RNF180: variants seen among roughly 807,000 people sequenced by gnomAD.
RNF180 encodes ring finger protein 180.
A neutral mutation model predicts 59.2 loss-of-function variants in RNF180; 38 were observed. That is an observed-to-expected ratio of 0.64 (90% CI 0.50 to 0.84). The LOEUF (loss-of-function observed/expected upper bound fraction) is 0.84. RNF180 is among the 40% of genes least tolerant of loss of function. The pLI, the probability that RNF180 is intolerant of heterozygous loss-of-function variation, is 0.00. For synonymous variants in RNF180, 262 were observed against 240.3 expected, an observed-to-expected ratio of 1.09 and a Z score of -0.84; for missense variants, 705 against 700.9, an observed-to-expected ratio of 1.01 and a Z score of -0.07.
At chr5:64,360,295 C>A (rs1206600916) in intron 7 of RNF180, among the ~76,000 whole-genome samples, 2 of 151,722 alleles carry the variant, frequency 1.3e-5, no homozygotes, top group Non-Finnish European at 2.9e-5. Flanking sequence ...AGCATATAAA[C>A]AGAGCCAAAG....
chr5:64,237,128 T>A (rs1742491087), intron 5 of RNF180, among the ~76,000 whole-genome samples: 1 of 152,138 alleles, frequency 6.6e-6, no homozygotes. Context: ...CACTGACAGC[T>A]TGCACCTTGA....
intron 5 of RNF180, among the ~76,000 whole-genome samples, chr5:64,234,063 C>A (rs950090084): frequency 6.6e-6 from 1 of 152,192 alleles, no homozygotes; most frequent in African/African-American, 2.4e-5. Flanking sequence ...TAGCTGTATG[C>A]TCTTGTGCAA....
At chr5:64,211,137 A>G (rs1489447200) in intron 2 of RNF180, among the ~76,000 whole-genome samples, 3 of 152,168 alleles carry the variant, frequency 2.0e-5, no homozygotes, top group Non-Finnish European at 4.4e-5. Flanking sequence ...GCTGGTGTTA[A>G]TAGTTTCATT....
intron 5 of RNF180, among the ~76,000 whole-genome samples, chr5:64,316,323 A>G (rs1025717252): frequency 1.3e-5 from 2 of 152,174 alleles, no homozygotes; most frequent in African/African-American, 4.8e-5. Context: ...GACCCATTAA[A>G]TATTTATCTC....
chr5:64,238,983 A>G (rs2112228675), intron 5 of RNF180, among the ~76,000 whole-genome samples: 1 of 152,256 alleles, frequency 6.6e-6, no homozygotes, highest in African/African-American at 2.4e-5. Flanking sequence ...CATGAGGTGG[A>G]TGAAATGGCT....
chr5:64,212,003 T>C (rs976540638), intron 2 of RNF180, 62 bp from the exon 3 acceptor site: 1 of 975,940 alleles, frequency 1.0e-6, no homozygotes, highest in East Asian at 2.6e-5. Flanking sequence ...TACTTAAATA[T>C]GAAACCTGTG....
At chr5:64,223,735 T>C (rs946882696) in intron 5 of RNF180, among the ~76,000 whole-genome samples, 3 of 152,194 alleles carry the variant, frequency 2.0e-5, no homozygotes, top group African/African-American at 7.2e-5. Context: ...TCTTTATTCT[T>C]CATTCATCCT....
rs1190089130 is a variant in RNF180, at chr5:64,181,986, CTTTTTTTTTTT to C, written c.-1+16046_-1+16056del. Among the ~76,000 whole-genome samples, 6 of 94,620 alleles carry C rather than the reference CTTTTTTTTTTT, an allele frequency of 6.3e-5. No individual in the cohort carries two copies. The Admixed American group carries it at 7.3e-4, about 11-fold the overall frequency. The allele number at this position is 94,620 out of a possible 152,430, so 62.1% of individuals were successfully genotyped here. On this transcript the variant is annotated intron_variant, in intron 1 of 7. Coordinates refer to ENST00000389100, the MANE Select transcript of RNF180 (RefSeq NM_001113561.2). ...GAGGGAAAAGTGCAACTGCTACTGT[CTTTTTTTTTTT>C]TTTTTTTTTTTTGAGACAGAGTCTC... is the stretch of plus-strand genomic sequence containing the variant.
intron 2 of RNF180, among the ~76,000 whole-genome samples, chr5:64,211,054 A>G (rs946759201): frequency 2.0e-5 from 3 of 152,124 alleles, no homozygotes; most frequent in Non-Finnish European, 2.9e-5. Context: ...TGGAAACTAC[A>G]TTCTTTGGTG....
chr5:64,194,949 G>A (rs935781905), intron 1 of RNF180, among the ~76,000 whole-genome samples: 1 of 152,068 alleles, frequency 6.6e-6, no homozygotes, highest in Non-Finnish European at 1.5e-5. Flanking sequence ...TACAGCAAAT[G>A]AATTTTCACA....
chr5:64,205,351 C>T (rs1424209831), intron 2 of RNF180, among the ~76,000 whole-genome samples: 1 of 152,084 alleles, frequency 6.6e-6, no homozygotes, highest in Non-Finnish European at 1.5e-5. Context: ...TCTACAACGT[C>T]CACAAGGAGA....
At chr5:64,300,163 G>A (rs978020957) in intron 5 of RNF180, among the ~76,000 whole-genome samples, 1 of 151,636 alleles carries the variant, frequency 6.6e-6, no homozygotes, top group Non-Finnish European at 1.5e-5. Context: ...AAGTGAAAAG[G>A]TGAAAATTCT....
In RNF180 at chr5:64,212,144, G is replaced by C. The variant is rs780457926; in HGVS notation, c.215G>C (p.Ser72Thr). ...GTAGAAGCCCTTCCAGAATGGATAA[G>C]CTGCCTAATCCAAAAAGTAAGTTCT... ...MNVEALPEWI[S>T]CLIQKAQWTV... The change falls in exon 3 of 8, where the codon AGC becomes ACC. Residue 72 changes from serine to threonine, a missense_variant. By Grantham distance (58) the Ser-to-Thr change is moderately conservative. Coordinates refer to ENST00000389100, the MANE Select transcript of RNF180 (RefSeq NM_001113561.2). 5.7e-6 allele frequency: 9 copies of C among 1,590,308 alleles called. No homozygotes were observed. In the African/African-American group the frequency reaches 1.1e-4, roughly 19 times the overall value.
intron 7 of RNF180, among the ~76,000 whole-genome samples, chr5:64,364,917 TC>T (rs75474973): frequency 0.023 from 3,533 of 151,558 alleles, 123 homozygotes; most frequent in African/African-American, 0.074. Flanking sequence ...TGGTGTAATA[TC>T]CCCTTTGTTG....
At chr5:64,301,098 C>G (rs1202205085) in intron 5 of RNF180, among the ~76,000 whole-genome samples, 1 of 151,622 alleles carries the variant, frequency 6.6e-6, no homozygotes, top group South Asian at 2.1e-4. Flanking sequence ...CTGTAATATA[C>G]ACTGTAAAAC....
intron 4 of RNF180, among the ~76,000 whole-genome samples, chr5:64,216,954 AC>A (rs1485270791): frequency 3.3e-5 from 5 of 152,148 alleles, no homozygotes. Flanking sequence ...CATTTTGATC[AC>A]TCTCAAAACT....
At chr5:64,351,037 A>G (rs944513139) in intron 7 of RNF180, among the ~76,000 whole-genome samples, 32 of 152,130 alleles carry the variant, frequency 2.1e-4, no homozygotes, top group African/African-American at 7.7e-4. Flanking sequence ...CTTCCTATCC[A>G]TGAGCATGGA....
chr5:64,346,344 TTTTTTTCTTTTCTTC>T (rs1745553620), intron 7 of RNF180, among the ~76,000 whole-genome samples: 1 of 150,072 alleles, frequency 6.7e-6, no homozygotes, highest in African/African-American at 2.4e-5. Context: ...TCTATTCTTC[TTTTTTTCTTTTCTTC>T]TTTTTTTTTT....
intron 7 of RNF180, among the ~76,000 whole-genome samples, chr5:64,338,409 C>T (rs929632660): frequency 5.9e-5 from 9 of 152,028 alleles, no homozygotes; most frequent in Admixed American, 1.3e-4. Flanking sequence ...CCGAGGCAGG[C>T]GGATCACGAG....
Sources: allele counts gnomAD v4.1 joint callset (sites outside exome capture counted in the v4.1 genomes callset), GRCh38; gene constraint gnomAD v4.1.1; transcripts MANE v1.5; gene names NCBI Gene and HGNC (gene_info 2026-07-23, HGNC 2026-07-21).